Variants in XKR9 observed in about 807,000 individuals in gnomAD.
The protein encoded by XKR9 is XK-related protein 9.
In XKR9, 32 loss-of-function variants were observed where a neutral mutation model predicts 32.0. The ratio of observed to expected loss-of-function variants is 1.00; its 90% CI spans 0.76 to 1.34. The LOEUF is 1.34. Ranked by LOEUF, XKR9 falls within the 40% of genes most tolerant of loss-of-function variation. The pLI is 0.00. For synonymous variants in XKR9, 168 were observed against 143.4 expected (o/e 1.17, Z -1.22); for missense variants, 546 against 429.7 (o/e 1.27, Z -2.39).
chr8:71,015,777 TA>T, the XKR9 span, among the ~76,000 whole-genome samples: 66,959 of 149,004 alleles, frequency 0.45, 15,679 homozygotes, highest in Non-Finnish European at 0.53. Flanking sequence ...CATTAGCTGT[TA>T]AAAAAAAAAA....
intron 4 of XKR9, among the ~76,000 whole-genome samples, chr8:70,732,161 C>T (rs1806690234): frequency 6.6e-6 from 1 of 152,126 alleles, no homozygotes; most frequent in Non-Finnish European, 1.5e-5. Context: ...CAAACAGATA[C>T]CCCACAATGG....
At chr8:70,724,928 C>T (rs751301136) in intron 4 of XKR9, among the ~76,000 whole-genome samples, 19 of 152,120 alleles carry the variant, frequency 1.2e-4, no homozygotes, top group Non-Finnish European at 2.5e-4. Flanking sequence ...AAAAAGCTGG[C>T]TGAGATTGGG....
At chr8:70,713,268 G>A (rs13253842) in intron 4 of XKR9, among the ~76,000 whole-genome samples, 61,134 of 151,846 alleles carry the variant, frequency 0.4, 13,867 homozygotes, top group Non-Finnish European at 0.52. Context: ...GAAAATATGA[G>A]AGAGATATTA....
At chr8:70,774,539 C>A (rs1807494276) in intron 2 of XKR9, among the ~76,000 whole-genome samples, 1 of 152,100 alleles carries the variant, frequency 6.6e-6, no homozygotes, top group Non-Finnish European at 1.5e-5. Context: ...TCTATATATT[C>A]AACATTTAGA....
At chr8:70,696,502 G>A (rs1340260723) in intron 3 of XKR9, among the ~76,000 whole-genome samples, 3 of 149,462 alleles carry the variant, frequency 2.0e-5, no homozygotes, top group Non-Finnish European at 4.5e-5. Flanking sequence ...TAGATATGCG[G>A]CGTTATTTCT....
chr8:71,024,705 C>T, the XKR9 span, among the ~76,000 whole-genome samples: 1 of 152,010 alleles, frequency 6.6e-6, no homozygotes, highest in African/African-American at 2.4e-5. Context: ...CACAGAAGAT[C>T]TCCCACTTAC....
chr8:70,804,473 G>A, the XKR9 span, among the ~76,000 whole-genome samples: 10 of 152,072 alleles, frequency 6.6e-5, no homozygotes, highest in African/African-American at 2.4e-4. Context: ...GTGCAAAGTG[G>A]GATGATCACT....
chr8:71,000,469 C>T, the XKR9 span, among the ~76,000 whole-genome samples: 4 of 151,940 alleles, frequency 2.6e-5, no homozygotes, highest in Admixed American at 6.6e-5. Flanking sequence ...GAGGTCTCGT[C>T]GAAAGTTGAA....
chr8:71,053,778 T>C, the XKR9 span, among the ~76,000 whole-genome samples: 1 of 152,354 alleles, frequency 6.6e-6, no homozygotes, highest in African/African-American at 2.4e-5. Context: ...AGCTGGTGAC[T>C]GCTTTGATTA....
At chr8:70,982,689 A>C in the XKR9 span, among the ~76,000 whole-genome samples, 1 of 152,112 alleles carries the variant, frequency 6.6e-6, no homozygotes, top group African/African-American at 2.4e-5. Context: ...TCCAGTTCCT[A>C]CAAAGGGTCT....
chr8:71,042,459 G>A, the XKR9 span, among the ~76,000 whole-genome samples: 12,891 of 152,166 alleles, frequency 0.085, 702 homozygotes, highest in Non-Finnish European at 0.12. Flanking sequence ...AGCTCTCTGT[G>A]CCTCAGTTTA....
Position 70,733,803 on chromosome 8 carries a change from C to T in XKR9, c.501C>T (p.Ala167=). Residue 167 remains alanine (A), a synonymous_variant, in exon 5 of 5, where the codon GCC becomes GCT. Coordinates refer to ENST00000408926, the MANE Select transcript of XKR9 (RefSeq NM_001011720.2). ...TATTTTTTTGTTTTGTAGATGCGGCCATCATGGTCTCTTGCTGTGCTATTT... is the reference window on the plus strand; with the variant it reads ...TATTTTTTTGTTTTGTAGATGCGGCTATCATGGTCTCTTGCTGTGCTATTT... The part of the protein sequence containing the change: ...HGQANFSQYA[A]IMVSCCAISW... 1 of 1,552,638 alleles carries T rather than the reference C, an allele frequency of 6.4e-7. No homozygotes were observed. The highest frequency in any genetic ancestry group is 8.6e-7 in the Non-Finnish European group (1 of 1,157,348).
chr8:70,697,875 C>G (rs879366424), intron 3 of XKR9, among the ~76,000 whole-genome samples: 4 of 151,940 alleles, frequency 2.6e-5, no homozygotes, highest in Admixed American at 2.0e-4. Context: ...TGTTATTGGT[C>G]TATTCAGAGA....
At chr8:70,916,642 T>G in the XKR9 span, among the ~76,000 whole-genome samples, 4 of 152,206 alleles carry the variant, frequency 2.6e-5, no homozygotes, top group African/African-American at 9.6e-5. Flanking sequence ...TCCTTGGCAC[T>G]TCTATAAAAA....
At chr8:70,776,945 C>CTATATA (rs1393735829) in intron 2 of XKR9, among the ~76,000 whole-genome samples, 2 of 62,524 alleles carry the variant, frequency 3.2e-5, no homozygotes, top group East Asian at 7.9e-4. Context: ...CTCTCTCTCT[C>CTATATA]TCTATATATA....
intron 2 of XKR9, among the ~76,000 whole-genome samples, chr8:70,752,858 T>G (rs1292817844): frequency 6.6e-6 from 1 of 151,910 alleles, no homozygotes; most frequent in Non-Finnish European, 1.5e-5. Context: ...TTAAAAGAAC[T>G]AGAAAAGCAA....
chr8:71,006,561 C>A, the XKR9 span, among the ~76,000 whole-genome samples: 1 of 152,114 alleles, frequency 6.6e-6, no homozygotes, highest in African/African-American at 2.4e-5. Flanking sequence ...CCTTCAACTG[C>A]AGCACACATG....
chr8:70,716,025 A>G (rs1806076022), intron 4 of XKR9, among the ~76,000 whole-genome samples: 1 of 152,120 alleles, frequency 6.6e-6, no homozygotes, highest in South Asian at 2.1e-4. Context: ...AAAGTAATAT[A>G]GAAGAGAGGT....
chr8:71,006,725 G>T, the XKR9 span, among the ~76,000 whole-genome samples: 1 of 151,998 alleles, frequency 6.6e-6, no homozygotes, highest in Non-Finnish European at 1.5e-5. Context: ...AGGACTTTGG[G>T]GTAGAAAACT....
Sources: allele counts gnomAD v4.1 joint callset (sites outside exome capture counted in the v4.1 genomes callset), GRCh38; gene constraint gnomAD v4.1.1; transcripts MANE v1.5; gene names NCBI Gene and HGNC (gene_info 2026-07-23, HGNC 2026-07-21).